The following FOCAD variants were observed in gnomAD, a reference collection of about 807,000 sequenced individuals.
The protein encoded by FOCAD is KIAA1797.
FOCAD carries 198 observed loss-of-function variants against 225.6 expected under a neutral mutation model. The observed-to-expected ratio is 0.88, with a 90% CI of 0.78 to 0.99. The LOEUF (loss-of-function observed/expected upper bound fraction) is 0.99. FOCAD is among the 50% of genes least tolerant of loss of function. The pLI, the probability that FOCAD is intolerant of heterozygous loss-of-function variation, is 0.00. For synonymous variants in FOCAD, 897 were observed against 755.0 expected, an observed-to-expected ratio of 1.19 and a Z score of -3.08; for missense variants, 2,713 against 2,123.6, an observed-to-expected ratio of 1.28 and a Z score of -5.46.
chr9:20,658,661 G>A (rs1445407060), intron 1 of FOCAD: 1 of 155,050 alleles, frequency 6.4e-6, no homozygotes, highest in Admixed American at 6.5e-5. Context: ...TGCACCCACT[G>A]ACCTGCGCCC....
intron 24 of FOCAD, among the ~76,000 whole-genome samples, chr9:20,921,744 A>G (rs1834454437): frequency 6.6e-6 from 1 of 152,242 alleles, no homozygotes. Context: ...TTACTTAAGA[A>G]CAATACATAC....
chr9:20,703,463 C>A (rs1232077060), intron 1 of FOCAD, among the ~76,000 whole-genome samples: 1 of 152,052 alleles, frequency 6.6e-6, no homozygotes, highest in Non-Finnish European at 1.5e-5. Context: ...AAGTTTTCAG[C>A]ATATGAGTTA....
intron 15 of FOCAD, among the ~76,000 whole-genome samples, chr9:20,860,273 A>C (rs1828643273): frequency 6.6e-6 from 1 of 152,074 alleles, no homozygotes; most frequent in African/African-American, 2.4e-5. Flanking sequence ...CCCATATTGC[A>C]TTTCGTTGTC....
chr9:20,926,031 T>G (rs1834905560), intron 25 of FOCAD, among the ~76,000 whole-genome samples: 1 of 152,234 alleles, frequency 6.6e-6, no homozygotes, highest in South Asian at 2.1e-4. Context: ...TGAAGGGCTC[T>G]TGGATAGTTC....
At chr9:20,902,144 C>A (rs1274162588) in intron 21 of FOCAD, among the ~76,000 whole-genome samples, 10 of 151,816 alleles carry the variant, frequency 6.6e-5, no homozygotes, top group Non-Finnish European at 1.3e-4. Context: ...TTATGGGTAC[C>A]ATGGGAGGGA....
chr9:20,837,249 A>G (rs1463915248), intron 15 of FOCAD, among the ~76,000 whole-genome samples: 2 of 152,030 alleles, frequency 1.3e-5, no homozygotes, highest in African/African-American at 4.8e-5. Flanking sequence ...ATTAGCTGAC[A>G]TGAGTAGTCT....
chr9:20,893,440 T>G (rs1018004484), intron 21 of FOCAD, among the ~76,000 whole-genome samples: 3 of 152,230 alleles, frequency 2.0e-5, no homozygotes, highest in African/African-American at 7.2e-5. Flanking sequence ...AATGCTACTA[T>G]TAAATTAGTG....
intron 40 of FOCAD, among the ~76,000 whole-genome samples, chr9:20,987,645 G>A (rs779532542): frequency 6.6e-6 from 1 of 152,158 alleles, no homozygotes; most frequent in Admixed American, 6.5e-5. Flanking sequence ...AGCCAAAAGT[G>A]TATGTATCAG....
At chr9:20,903,129 T>C (rs1388433465) in intron 21 of FOCAD, among the ~76,000 whole-genome samples, 2 of 151,920 alleles carry the variant, frequency 1.3e-5, no homozygotes, top group Non-Finnish European at 2.9e-5. Flanking sequence ...CCATGCTCCT[T>C]TCTAGTCAGG....
At chr9:20,912,690 A>G (rs1022860604) in intron 22 of FOCAD, among the ~76,000 whole-genome samples, 176 bp from the exon 23 acceptor site, 1 of 152,150 alleles carries the variant, frequency 6.6e-6, no homozygotes, top group Non-Finnish European at 1.5e-5. Flanking sequence ...GTGAATGTAG[A>G]AATACCTGAG....
chr9:20,950,298 AGTGT>A (rs1481621205), intron 33 of FOCAD, among the ~76,000 whole-genome samples: 1 of 152,122 alleles, frequency 6.6e-6, no homozygotes, highest in Non-Finnish European at 1.5e-5. Context: ...TGGTATTCTT[AGTGT>A]ATATAGAACT....
intron 8 of FOCAD, among the ~76,000 whole-genome samples, chr9:20,778,469 C>G (rs561016824): frequency 6.6e-6 from 1 of 152,298 alleles, no homozygotes; most frequent in South Asian, 2.1e-4. Flanking sequence ...ATCCACCTGC[C>G]TTGGCCTCCC....
intron 11 of FOCAD, among the ~76,000 whole-genome samples, chr9:20,804,975 C>A (rs995256336): frequency 3.9e-5 from 6 of 152,094 alleles, no homozygotes; most frequent in Admixed American, 3.3e-4. Context: ...TCCCATTACA[C>A]CCTTCTTAAT....
chr9:20,889,832 A>G (rs1404289052), intron 21 of FOCAD, among the ~76,000 whole-genome samples: 4 of 152,148 alleles, frequency 2.6e-5, no homozygotes, highest in Non-Finnish European at 5.9e-5. Context: ...TTGAGAGAGG[A>G]CTGACATCTT....
In FOCAD at chr9:20,866,467, C is replaced by G. The variant is rs1001941333; in HGVS notation, c.2107-462C>G. Among the ~76,000 whole-genome samples the G allele has an allele frequency of 2.0e-5, 3 of 152,010 alleles. No individual in the cohort carries two copies. The East Asian group carries it at 5.8e-4, about 29-fold the overall frequency. ...AATCGGAATCCAAACCTAGGCCTATCAGACAGTAACTCCTTGTTCTCCTTC... is the reference window on the plus strand; with the variant it reads ...AATCGGAATCCAAACCTAGGCCTATGAGACAGTAACTCCTTGTTCTCCTTC... On this transcript the variant is annotated intron_variant, in intron 17 of 43. Coordinates refer to ENST00000338382, the MANE Select transcript of FOCAD (RefSeq NM_001375567.1).
chr9:20,778,756 A>T lies in FOCAD; in HGVS notation c.982A>T (p.Ile328Phe), dbSNP rs750600389. The T allele has an allele frequency of 6.4e-5, 103 of 1,600,680 alleles. No homozygotes were observed. The South Asian group carries it at 1.1e-3, about 17-fold the overall frequency. Residue 328 changes from isoleucine to phenylalanine, a missense_variant, in exon 9 of 44, where the codon ATC becomes TTC. Transcript: ENST00000338382. ...GACTCCAGCAAGTCAGCAGAAGCCA[A>T]TCTTAAATCTAGGTAAATAAAAATA... ...LQTPASQQKPILNLALKLLSV... is the reference protein window; with the variant it reads ...LQTPASQQKPFLNLALKLLSV...
intron 1 of FOCAD, among the ~76,000 whole-genome samples, chr9:20,704,178 G>A (rs1162447935): frequency 6.6e-6 from 1 of 152,184 alleles, no homozygotes; most frequent in African/African-American, 2.4e-5. Context: ...TAACAGTACT[G>A]CGATAACTTT....
intron 15 of FOCAD, among the ~76,000 whole-genome samples, chr9:20,844,324 A>G (rs1412501981): frequency 9.4e-5 from 13 of 138,044 alleles, no homozygotes; most frequent in African/African-American, 3.0e-4. Flanking sequence ...AAGGGCAGAC[A>G]TGGTTCTAAC....
At chr9:20,656,917 G>C (rs199948764), upstream of FOCAD, among the ~76,000 whole-genome samples, 160 of 151,698 alleles carry the variant, frequency 1.1e-3, no homozygotes, top group African/African-American at 3.6e-3. Flanking sequence ...GGCTGGTACC[G>C]GTTGTTCCTT....
Sources: gnomAD v4.1 joint callset for allele counts (sites outside exome capture counted in the v4.1 genomes callset) on GRCh38, gnomAD v4.1.1 for gene constraint, MANE v1.5 for transcripts, NCBI Gene and HGNC (gene_info 2026-07-23, HGNC 2026-07-21) for gene names.